TMEM132D: variants seen among roughly 807,000 people sequenced by gnomAD.
The protein encoded by TMEM132D is mature OL transmembrane protein.
Under a neutral mutation model 62.3 loss-of-function variants are expected in TMEM132D, and 21 were observed. The observed-to-expected ratio is 0.34, with a 90% CI of 0.24 to 0.49. The LOEUF is 0.49. Among genes scored for constraint, TMEM132D ranks in the 20% least tolerant of loss-of-function variants. TMEM132D has a pLI of 0.99. For synonymous variants in TMEM132D, 621 were observed against 575.6 expected (o/e 1.08, Z -1.13); for missense variants, 1,346 against 1,402.8 (o/e 0.96, Z 0.65).
Position 129,272,889 on chromosome 12 carries a change from C to T in TMEM132D, c.1300-63226G>A, listed in dbSNP as rs1880892916. The stretch of plus-strand genomic sequence containing the variant: ...TAGCCAGGCCAACGTGATGAAACCC[C>T]ATCTCTACTAAAACTACAAAAATTA... On this transcript the variant is annotated intron_variant, in intron 4 of 8. Coordinates refer to ENST00000422113, the MANE Select transcript of TMEM132D (RefSeq NM_133448.3). Among the ~76,000 whole-genome samples the T allele has an allele frequency of 3.3e-5, 5 of 151,516 alleles. No homozygotes were observed. The South Asian group carries it at 8.3e-4, about 25-fold the overall frequency.
At chr12:129,281,427 T>A (rs4492879) in intron 4 of TMEM132D, among the ~76,000 whole-genome samples, 129,366 of 147,642 alleles carry the variant, frequency 0.88, 57,115 homozygotes, top group East Asian at 0.95. Flanking sequence ...TCTTTTTTTT[T>A]TAAAAAAAAA....
At chr12:129,496,540 G>T (rs1874962006) in intron 3 of TMEM132D, among the ~76,000 whole-genome samples, 1 of 152,134 alleles carries the variant, frequency 6.6e-6, no homozygotes, top group Non-Finnish European at 1.5e-5. Flanking sequence ...ATCAAGGTAA[G>T]GATGGATTTT....
intron 3 of TMEM132D, among the ~76,000 whole-genome samples, chr12:129,415,189 G>A (rs1451434624): frequency 6.6e-6 from 1 of 152,176 alleles, no homozygotes; most frequent in African/African-American, 2.4e-5. Context: ...AGTCCACCCA[G>A]AAGTCAAATT....
intron 2 of TMEM132D, among the ~76,000 whole-genome samples, chr12:129,555,184 C>T (rs1877020752): frequency 6.6e-6 from 1 of 152,180 alleles, no homozygotes; most frequent in Non-Finnish European, 1.5e-5. Context: ...ATTTAGTCTC[C>T]TTTTTATTAG....
chr12:129,153,771 G>C (rs1452165940), intron 5 of TMEM132D, among the ~76,000 whole-genome samples: 1 of 152,122 alleles, frequency 6.6e-6, no homozygotes. Flanking sequence ...AGAAGCATCA[G>C]GCGGACGTGA....
intron 4 of TMEM132D, among the ~76,000 whole-genome samples, chr12:129,249,155 C>G (rs1333195006): frequency 1.3e-5 from 2 of 152,140 alleles, no homozygotes; most frequent in Non-Finnish European, 2.9e-5. Context: ...ATGAAATCAG[C>G]TTGGGACCTG....
intron 5 of TMEM132D, among the ~76,000 whole-genome samples, chr12:129,106,596 G>A (rs902272994): frequency 1.2e-4 from 19 of 152,122 alleles, no homozygotes; most frequent in Non-Finnish European, 7.4e-5. Context: ...CCTGAAAGAC[G>A]TTTGTGGGCT....
chr12:129,669,863 G>A (rs1565943238), intron 2 of TMEM132D, among the ~76,000 whole-genome samples: 1 of 152,062 alleles, frequency 6.6e-6, no homozygotes, highest in Admixed American at 6.6e-5. Flanking sequence ...TAAAACTATA[G>A]ATGAGGGTAC....
intron 3 of TMEM132D, among the ~76,000 whole-genome samples, chr12:129,391,791 C>G (rs1871296511): frequency 6.6e-6 from 1 of 152,120 alleles, no homozygotes; most frequent in Non-Finnish European, 1.5e-5. Flanking sequence ...GAGTCTCGTT[C>G]TGTTGTCCAG....
At chr12:129,128,640 C>T (rs1876285478) in intron 5 of TMEM132D, among the ~76,000 whole-genome samples, 1 of 152,172 alleles carries the variant, frequency 6.6e-6, no homozygotes, top group Non-Finnish European at 1.5e-5. Flanking sequence ...GATACATGTG[C>T]TTGTTTGTTA....
intron 2 of TMEM132D, among the ~76,000 whole-genome samples, chr12:129,695,338 G>T (rs1323081606): frequency 1.3e-5 from 2 of 152,220 alleles, no homozygotes; most frequent in East Asian, 3.9e-4. Context: ...GCACACAATT[G>T]TAAGGTATTA....
chr12:129,814,942 C>G (rs2137319194), intron 1 of TMEM132D, among the ~76,000 whole-genome samples: 1 of 152,218 alleles, frequency 6.6e-6, no homozygotes, highest in East Asian at 1.9e-4. Flanking sequence ...TAAGCCCCCA[C>G]ATGCCACATT....
intron 2 of TMEM132D, among the ~76,000 whole-genome samples, chr12:129,552,819 C>T (rs540333217): frequency 2.6e-5 from 4 of 152,216 alleles, no homozygotes; most frequent in South Asian, 2.1e-4. Flanking sequence ...ATCTATCTAC[C>T]GGTTTATATC....
At chr12:129,159,777 AG>A (rs10605921) in intron 5 of TMEM132D, among the ~76,000 whole-genome samples, 366 of 29,382 alleles carry the variant, frequency 0.012, 12 homozygotes, top group African/African-American at 0.019. Flanking sequence ...AAAAAAAAAA[AG>A]AAAGAAAATT....
chr12:129,474,565 G>A (rs907734828), intron 3 of TMEM132D, among the ~76,000 whole-genome samples: 3 of 152,168 alleles, frequency 2.0e-5, no homozygotes, highest in Non-Finnish European at 1.5e-5. Flanking sequence ...GTCCCTGACT[G>A]ACTGACTGTC....
chr12:129,346,021 T>C (rs1380798384), intron 3 of TMEM132D, among the ~76,000 whole-genome samples: 1 of 152,180 alleles, frequency 6.6e-6, no homozygotes, highest in Non-Finnish European at 1.5e-5. Flanking sequence ...TGGTACCAGC[T>C]CCTCTTTGTA....
At chr12:129,369,555 CTGGG>C (rs1870531156) in intron 3 of TMEM132D, among the ~76,000 whole-genome samples, 1 of 152,208 alleles carries the variant, frequency 6.6e-6, no homozygotes, top group African/African-American at 2.4e-5. Context: ...TCACAGGAAG[CTGGG>C]TCTCATCAGC....
At chr12:129,329,453 C>T (rs370369828) in intron 4 of TMEM132D, among the ~76,000 whole-genome samples, 1 of 152,122 alleles carries the variant, frequency 6.6e-6, no homozygotes, top group Non-Finnish European at 1.5e-5. Flanking sequence ...GAAAAGAATG[C>T]TATGAACAGT....
At chr12:129,335,293 GGCTAAGTTTT>G (rs1356711930) in intron 4 of TMEM132D, among the ~76,000 whole-genome samples, 1 of 151,544 alleles carries the variant, frequency 6.6e-6, no homozygotes, top group Non-Finnish European at 1.5e-5. Context: ...CATCACACCT[GGCTAAGTTTT>G]GTAGTTTTTT....
Sources: gnomAD v4.1 joint callset for allele counts (sites outside exome capture counted in the v4.1 genomes callset) on GRCh38, gnomAD v4.1.1 for gene constraint, MANE v1.5 for transcripts, NCBI Gene and HGNC (gene_info 2026-07-23, HGNC 2026-07-21) for gene names.